The following EFHC1 variants were observed in gnomAD, a reference collection of about 807,000 sequenced individuals.
The protein encoded by EFHC1 is EF-hand domain containing 1, also known as EF-hand domain-containing protein 1.
Under a neutral mutation model 69.9 loss-of-function variants are expected in EFHC1, and 53 were observed. The observed-to-expected ratio is 0.76, with a 90% confidence interval of 0.61 to 0.95. EFHC1 has a LOEUF of 0.95. EFHC1 is among the 40% of genes least tolerant of loss of function. EFHC1 has a pLI of 0.00. For synonymous variants in EFHC1, 256 were observed against 278.4 expected, an observed-to-expected ratio of 0.92 and a Z score of 0.80; for missense variants, 739 against 798.7, an observed-to-expected ratio of 0.93 and a Z score of 0.90.
intron 2 of EFHC1, among the ~76,000 whole-genome samples, chr6:52,435,188 C>T (rs1308236327): frequency 6.6e-6 from 1 of 152,162 alleles, no homozygotes; most frequent in Non-Finnish European, 1.5e-5. Flanking sequence ...GCCATCTCAT[C>T]TTGAATGTCT....
rs1279180833 is a variant in EFHC1, at chr6:52,494,947, AT to A, written c.*2608del. ...ATTTAAAAAATCTAATCCACCATTG[AT>A]TGGCACCTAGGTTGATTCCATGTCC... On this transcript the variant is annotated 3_prime_UTR_variant, in exon 11 of 11. Coordinates refer to ENST00000371068, the MANE Select transcript of EFHC1 (RefSeq NM_018100.4). The A allele has an allele frequency of 2.2e-6, 1 of 452,966 alleles. No individual in the cohort carries two copies. The highest frequency in any genetic ancestry group is 4.4e-6 in the Non-Finnish European group (1 of 226,058). The allele number at this position is 452,966 out of a possible 1,614,324, so 28.1% of individuals were successfully genotyped here. A position where few individuals can be genotyped will look rare whatever the true frequency, so the allele number is the denominator to read the frequency against.
intron 5 of EFHC1, 39 bp from the exon 6 acceptor site, chr6:52,464,856 A>T (rs1471720422): frequency 1.9e-6 from 3 of 1,569,154 alleles, no homozygotes; most frequent in Non-Finnish European, 2.6e-6. Flanking sequence ...TGACACACTC[A>T]TTCCTTCTTT....
intron 3 of EFHC1, among the ~76,000 whole-genome samples, chr6:52,441,347 A>G (rs1000153411): frequency 6.6e-6 from 1 of 151,984 alleles, no homozygotes; most frequent in Non-Finnish European, 1.5e-5. Context: ...TATGGCTAGC[A>G]GGTTATCCCA....
intron 1 of EFHC1, among the ~76,000 whole-genome samples, chr6:52,422,674 G>A (rs1277003486): frequency 6.6e-6 from 1 of 152,004 alleles, no homozygotes; most frequent in Non-Finnish European, 1.5e-5. Context: ...AATTGTGAAA[G>A]TATCCTCACA....
rs970139520 is a variant in EFHC1 at position 52,493,733 on chromosome 6, C to T, written c.*1392C>T. On this transcript the variant is annotated 3_prime_UTR_variant, in exon 11 of 11. Transcript: ENST00000371068. The stretch of plus-strand genomic sequence containing the variant: ...AGGAAGGAAAGACTAGTTGCAGTTA[C>T]TATTCTCTGGTGAGCTCTGACTGGC... 62 of 453,824 alleles carry T rather than the reference C, an allele frequency of 1.4e-4. No individual in the cohort carries two copies. The highest frequency in any genetic ancestry group is 2.5e-4 in the Non-Finnish European group (57 of 226,778). The allele number at this position is 453,824 out of a possible 1,614,324, so 28.1% of individuals were successfully genotyped here. A position where few individuals can be genotyped will look rare whatever the true frequency, so the allele number is the denominator to read the frequency against.
At chr6:52,453,105 T>C in intron 4 of EFHC1, 1 of 1,444,128 alleles carries the variant, frequency 6.9e-7, no homozygotes, top group Non-Finnish European at 9.2e-7. Flanking sequence ...AAGCAATTCC[T>C]GAGCTACATC....
intron 2 of EFHC1, among the ~76,000 whole-genome samples, chr6:52,433,382 C>T (rs1410477384): frequency 2.0e-5 from 3 of 152,160 alleles, no homozygotes; most frequent in Non-Finnish European, 4.4e-5. Context: ...CTTGATGTAG[C>T]ATTCTCTCCC....
At chr6:52,428,746 T>G (rs1764355582) in intron 2 of EFHC1, among the ~76,000 whole-genome samples, 1 of 152,184 alleles carries the variant, frequency 6.6e-6, no homozygotes, top group Non-Finnish European at 1.5e-5. Flanking sequence ...CTTTTAGTTC[T>G]TTGAGGAATC....
At position 52,479,194 on chromosome 6, in the gene EFHC1, T is replaced by C. The variant is rs764251038; in HGVS notation, c.1436T>C (p.Val479Ala). The C allele has an allele frequency of 2.5e-6, 4 of 1,614,140 alleles. No individual in the cohort carries two copies. Among genetic ancestry groups the C allele is most frequent in the South Asian group, 2.2e-5 (2 of 91,082 alleles). ...RTKVVKPYSTVDNPVYYGPSD... is the reference protein window; with the variant it reads ...RTKVVKPYSTADNPVYYGPSD... ...AAAGTTGTTAAACCATACTCTACAGTGGACAACCCTGTCTACTATGGCCCC... is the reference window on the plus strand; with the variant it reads ...AAAGTTGTTAAACCATACTCTACAGCGGACAACCCTGTCTACTATGGCCCC... Residue 479 changes from valine to alanine, a missense_variant, in exon 8 of 11, where the codon GTG becomes GCG. Physicochemically the swap from Val to Ala is moderately conservative, Grantham distance 64. Coordinates refer to ENST00000371068, the MANE Select transcript of EFHC1 (RefSeq NM_018100.4).
intron 5 of EFHC1, among the ~76,000 whole-genome samples, chr6:52,459,466 C>T (rs1398215095): frequency 2.6e-5 from 4 of 152,118 alleles, no homozygotes; most frequent in African/African-American, 7.2e-5. Context: ...ATATATTTGC[C>T]ATAGTTACTT....
intron 2 of EFHC1, among the ~76,000 whole-genome samples, chr6:52,428,401 T>TC (rs1234407779): frequency 1.3e-5 from 2 of 152,116 alleles, no homozygotes; most frequent in East Asian, 3.8e-4. Context: ...CTTTGCATCC[T>TC]CATACCTTAG....
At chr6:52,423,918 A>G (rs897883633) in intron 1 of EFHC1, 28 bp from the exon 2 acceptor site, 1 of 1,613,004 alleles carries the variant, frequency 6.2e-7, no homozygotes, top group South Asian at 1.1e-5. Context: ...GTCTAATGTT[A>G]TTAATGACAC....
intron 4 of EFHC1, chr6:52,453,126 C>A: frequency 7.1e-7 from 1 of 1,405,330 alleles, no homozygotes; most frequent in South Asian, 1.2e-5. Flanking sequence ...TGCTTCCCAC[C>A]TTACGTTTCC....
intron 6 of EFHC1, among the ~76,000 whole-genome samples, chr6:52,466,840 TG>T: frequency 6.6e-6 from 1 of 152,338 alleles, no homozygotes; most frequent in African/African-American, 2.4e-5. Context: ...ATACAATTTC[TG>T]GAAGGAAGTG....
At position 52,479,109 on chromosome 6, in the gene EFHC1, A is replaced by G; in HGVS notation, c.1351A>G (p.Ile451Val). ...CTTTCTAGCTACCGACATGATCAGTATCTTTGAGCCTCCTGTTCGCAATTC... is the reference window on the plus strand; with the variant it reads ...CTTTCTAGCTACCGACATGATCAGTGTCTTTGAGCCTCCTGTTCGCAATTC... ...SYFLATDMISIFEPPVRNSGI... is the reference protein window; with the variant it reads ...SYFLATDMISVFEPPVRNSGI... Residue 451 changes from isoleucine (I) to valine (V), a missense_variant, in exon 8 of 11, where the codon ATC (isoleucine) becomes GTC (valine). Transcript: ENST00000371068. The G allele has an allele frequency of 6.2e-7, 1 of 1,614,122 alleles. No individual in the cohort carries two copies. The highest frequency in any genetic ancestry group is 8.5e-7 in the Non-Finnish European group (1 of 1,180,000).
intron 1 of EFHC1, among the ~76,000 whole-genome samples, chr6:52,421,610 C>T (rs1764193053): frequency 6.6e-6 from 1 of 152,178 alleles, no homozygotes; most frequent in African/African-American, 2.4e-5. Flanking sequence ...AAACTCTTGC[C>T]TTCCTCTCCA....
chr6:52,458,667 G>T (rs1478440535), intron 5 of EFHC1, among the ~76,000 whole-genome samples: 1 of 152,084 alleles, frequency 6.6e-6, no homozygotes, highest in Non-Finnish European at 1.5e-5. Context: ...GCTTATCACT[G>T]TTGGTGGGAA....
chr6:52,479,344 A>T (rs1411685628), intron 8 of EFHC1, 94 bp downstream of exon 8: 16 of 1,337,050 alleles, frequency 1.2e-5, no homozygotes, highest in Middle Eastern at 2.5e-4. Context: ...AGGCAATTAG[A>T]TTGTATTGCA....
intron 3 of EFHC1, among the ~76,000 whole-genome samples, chr6:52,439,157 A>T (rs1203264743): frequency 6.6e-6 from 1 of 152,196 alleles, no homozygotes; most frequent in Non-Finnish European, 1.5e-5. Context: ...ATACAAAGGA[A>T]ACTTTTATTA....
Sources: gnomAD v4.1 joint callset for allele counts (sites outside exome capture counted in the v4.1 genomes callset) on GRCh38, gnomAD v4.1.1 for gene constraint, MANE v1.5 for transcripts, NCBI Gene and HGNC (gene_info 2026-07-23, HGNC 2026-07-21) for gene names.